Variants in MAST2 observed in about 807,000 individuals in gnomAD.
MAST2 encodes the protein microtubule associated serine/threonine kinase 2.
In MAST2, 70 loss-of-function variants were observed where a neutral mutation model predicts 147.4. The observed-to-expected ratio is 0.47, with a 90% CI of 0.39 to 0.58. The LOEUF (loss-of-function observed/expected upper bound fraction) is 0.58. Among genes scored for constraint, MAST2 ranks in the 20% least tolerant of loss-of-function variants. The pLI is 0.00. For synonymous variants in MAST2, 869 were observed against 896.8 expected (o/e 0.97, Z 0.55); for missense variants, 2,080 against 2,302.3 (o/e 0.90, Z 1.98).
At chr1:46,029,679 A>C (rs1022952901) in intron 19 of MAST2, 112 bp downstream of exon 19, 14 of 1,367,840 alleles carry the variant, frequency 1.0e-5, no homozygotes, top group African/African-American at 2.9e-5. Context: ...CTGGATCCTG[A>C]AACTCTGCCC....
At chr1:45,897,483 A>G (rs1024879567) in intron 4 of MAST2, among the ~76,000 whole-genome samples, 3 of 152,200 alleles carry the variant, frequency 2.0e-5, no homozygotes, top group Non-Finnish European at 4.4e-5. Flanking sequence ...GGAGAGAAAA[A>G]ATAAATTTTT....
chr1:45,963,455 G>T (rs1007350944), intron 5 of MAST2, among the ~76,000 whole-genome samples: 1 of 152,188 alleles, frequency 6.6e-6, no homozygotes, highest in African/African-American at 2.4e-5. Context: ...GTGGTTTATA[G>T]TTTTCCTTGA....
intron 4 of MAST2, among the ~76,000 whole-genome samples, chr1:45,889,121 A>G (rs1194370884): frequency 6.6e-6 from 1 of 152,112 alleles, no homozygotes; most frequent in Non-Finnish European, 1.5e-5. Flanking sequence ...ACTATCATAC[A>G]ATAGCCAGGA....
chr1:45,989,731 C>G (rs1644787065), intron 5 of MAST2, among the ~76,000 whole-genome samples: 2 of 115,494 alleles, frequency 1.7e-5, no homozygotes, highest in African/African-American at 7.2e-5. Context: ...CACAGTACTT[C>G]ACCTATTTGT....
At chr1:45,939,989 T>TTTTGTTTTTTTTTTTTTTTTTTTG (rs776892902) in intron 4 of MAST2, among the ~76,000 whole-genome samples, 2 of 128,882 alleles carry the variant, frequency 1.6e-5, no homozygotes, top group African/African-American at 5.9e-5. Flanking sequence ...GGTTTTTTTT[T>TTTTGTTTTTTTTTTTTTTTTTTTG]TTTTTTTTTT....
At chr1:45,987,765 T>G (rs865878209) in intron 5 of MAST2, among the ~76,000 whole-genome samples, 5 of 134,828 alleles carry the variant, frequency 3.7e-5, no homozygotes, top group Non-Finnish European at 6.3e-5. Context: ...ATTTCTTGTT[T>G]TTTTTTTTTT....
chr1:46,025,740 A>C lies in MAST2; in HGVS notation c.1844A>C (p.Tyr615Ser). The C allele has an allele frequency of 1.2e-6, 2 of 1,614,168 alleles. No homozygotes were observed. Among genetic ancestry groups the C allele is most frequent in the Non-Finnish European group, 1.7e-6 (2 of 1,180,036 alleles). Residue 615 changes from tyrosine (Y) to serine (S), a missense_variant, in exon 16 of 29, where the codon TAC becomes TCC. This residue lies in a region of MAST2 where 209 missense variants were observed against 309.5 expected (regional missense o/e 0.68). Coordinates refer to ENST00000361297, the MANE Select transcript of MAST2 (RefSeq NM_015112.3). ...GALPVDMVRLYFAETVLALEY... is the reference protein window; with the variant it reads ...GALPVDMVRLSFAETVLALEY... The stretch of plus-strand genomic sequence containing the variant: ...CTGCCTGTGGACATGGTGCGTCTAT[A>C]CTTTGCGGAAACTGTGCTGGCCCTG...
rs768812030 is a variant in MAST2, at chr1:46,035,846, T to A, written c.5177T>A (p.Leu1726Gln). The A allele has an allele frequency of 7.4e-6, 12 of 1,614,024 alleles. 1 individual carries two copies. The South Asian group carries it at 1.1e-4, about 15-fold the overall frequency. Reference protein sequence around the residue: ...PSYEDPSQGWLWESECAQAVK... With the variant: ...PSYEDPSQGWQWESECAQAVK... The stretch of plus-strand genomic sequence containing the variant: ...TATGAGGATCCCAGCCAGGGCTGGC[T>A]ATGGGAGTCTGAGTGTGCACAAGCA... Residue 1726 changes from leucine (L) to glutamine (Q), a missense_variant, in exon 29 of 29, where the codon CTA (leucine) becomes CAA (glutamine). By Grantham distance (113) the Leu-to-Gln change is moderately radical. This residue lies in a region of MAST2 where 1,278 missense variants were observed against 1,304.2 expected (regional missense o/e 0.98). Coordinates refer to ENST00000361297, the MANE Select transcript of MAST2 (RefSeq NM_015112.3). This position sits in a 1 kb window ranked among gnomAD's most constrained non-coding sequence, Gnocchi z 5.5.
chr1:45,804,208 G>A, intron 1 of MAST2, 136 bp downstream of exon 1: 5 of 1,097,154 alleles, frequency 4.6e-6, no homozygotes, highest in Non-Finnish European at 4.6e-6. Context: ...GGAGGTCTGG[G>A]GAGGCCGAGA....
At chr1:45,855,101 T>C (rs938287554) in intron 3 of MAST2, among the ~76,000 whole-genome samples, 1 of 152,168 alleles carries the variant, frequency 6.6e-6, no homozygotes, top group Non-Finnish European at 1.5e-5. Context: ...TCCCAGAGGA[T>C]TGGAGGGTGA....
At chr1:45,901,502 A>G (rs1022802105) in intron 4 of MAST2, among the ~76,000 whole-genome samples, 1 of 152,158 alleles carries the variant, frequency 6.6e-6, no homozygotes. Flanking sequence ...TTGGTTCCAT[A>G]TGAATTTTGG....
intron 3 of MAST2, among the ~76,000 whole-genome samples, chr1:45,858,493 T>G (rs61783217): frequency 0.45 from 67,476 of 151,042 alleles, 15,253 homozygotes; most frequent in East Asian, 0.63. Context: ...GTTTGAGTTC[T>G]TTGTAGATTC....
intron 4 of MAST2, among the ~76,000 whole-genome samples, chr1:45,893,703 A>G (rs977454669): frequency 3.9e-5 from 6 of 152,126 alleles, no homozygotes; most frequent in African/African-American, 1.4e-4. Context: ...ACATTGACAA[A>G]TCTCTAGGAG....
rs761497557 is a variant in MAST2 at position 45,934,718 on chromosome 1, C to T, written c.501-24668C>T. Among the ~76,000 whole-genome samples, 70 of 152,136 alleles carry T rather than the reference C, an allele frequency of 4.6e-4. 1 individual carries two copies. The highest frequency in any genetic ancestry group is 4.6e-4 in the Admixed American group (7 of 15,274). ...GATTACAGGAGTGAGCAACTGTGCC[C>T]GGCCAATTTCATTCTTTTTAATGGC... On this transcript the variant is annotated intron_variant, in intron 4 of 28. Transcript: ENST00000361297.
intron 3 of MAST2, among the ~76,000 whole-genome samples, chr1:45,849,761 C>T (rs1372933869): frequency 2.0e-5 from 3 of 152,120 alleles, no homozygotes; most frequent in Non-Finnish European, 2.9e-5. Flanking sequence ...CTCCTGACGT[C>T]GTGATCTGCC....
chr1:45,830,662 G>C (rs1192257468), intron 3 of MAST2, among the ~76,000 whole-genome samples: 1 of 151,998 alleles, frequency 6.6e-6, no homozygotes, highest in Non-Finnish European at 1.5e-5. Flanking sequence ...ACAGCTCTGT[G>C]GTATACATAT....
intron 21 of MAST2, 132 bp downstream of exon 21, chr1:46,030,370 G>A (rs1264262432): frequency 1.1e-6 from 1 of 946,260 alleles, no homozygotes; most frequent in East Asian, 2.6e-5. Flanking sequence ...AGGAGCTAAG[G>A]GTTGGGGCTA....
intron 2 of MAST2, among the ~76,000 whole-genome samples, chr1:45,825,260 T>C (rs1189965900): frequency 2.0e-5 from 3 of 152,082 alleles, no homozygotes; most frequent in African/African-American, 7.2e-5. Context: ...CTCCTGAGCT[T>C]GTGATCCGCC....
chr1:45,932,489 C>T (rs1198941532), intron 4 of MAST2, among the ~76,000 whole-genome samples: 3 of 152,104 alleles, frequency 2.0e-5, no homozygotes, highest in Non-Finnish European at 2.9e-5. Context: ...GCCTGGCCAA[C>T]GTGGTGAAAC....
Sources: gnomAD v4.1 joint callset for allele counts (sites outside exome capture counted in the v4.1 genomes callset) on GRCh38, gnomAD v4.1.1 for gene constraint, gnomAD v4.1.1 regional missense constraint, Gnocchi (gnomAD v3.1) non-coding constraint, MANE v1.5 for transcripts, NCBI Gene and HGNC (gene_info 2026-07-23, HGNC 2026-07-21) for gene names.